Variants in ITGB5 observed in about 807,000 individuals in gnomAD.
ITGB5 encodes the protein integrin subunit beta 5.
In ITGB5, 38 loss-of-function variants were observed where a neutral mutation model predicts 84.8. The observed-to-expected ratio is 0.45, with a 90% CI of 0.35 to 0.59. The LOEUF (loss-of-function observed/expected upper bound fraction) is 0.59. Ranked by LOEUF, ITGB5 falls within the 20% of genes least tolerant of loss-of-function variation. The probability of loss-of-function intolerance (pLI) is 0.01; values close to 1 mark genes in which losing one functional copy is unlikely to be tolerated. For missense variants in ITGB5, 905 were observed against 1,034.5 expected (o/e 0.87, Z 1.72); for synonymous variants, 393 against 414.4 (o/e 0.95, Z 0.63).
intron 5 of ITGB5, among the ~76,000 whole-genome samples, chr3:124,828,561 T>C (rs2064816789): frequency 6.6e-6 from 1 of 152,142 alleles, no homozygotes; most frequent in Non-Finnish European, 1.5e-5. Context: ...AAATACACTT[T>C]TAGGGGTGAA....
chr3:124,861,523 C>CACACACACAT (rs1168237424), intron 2 of ITGB5, among the ~76,000 whole-genome samples: 2 of 146,426 alleles, frequency 1.4e-5, no homozygotes, highest in African/African-American at 5.2e-5. Context: ...CACACACACA[C>CACACACACAT]ACACAGAGAG....
At chr3:124,839,771 T>C (rs1015430786) in intron 5 of ITGB5, among the ~76,000 whole-genome samples, 1 of 152,256 alleles carries the variant, frequency 6.6e-6, no homozygotes, top group Non-Finnish European at 1.5e-5. Flanking sequence ...GGTTCAGGAC[T>C]GAATACATTC....
chr3:124,848,342 G>C lies in ITGB5; in HGVS notation c.578C>G (p.Thr193Arg), dbSNP rs747514529. The stretch of plus-strand genomic sequence containing the variant: ...CGGATTGGTCTGGTACCTCGGTGCC[G>C]TGTAGGAGAAAGGAGAGATGTCCTT... ...VDKDISPFSY[T>R]APRYQTNPCI... is the part of the protein sequence containing the mutation. Residue 193 changes from threonine to arginine, a missense_variant, in exon 4 of 15, where the codon ACG (threonine) becomes AGG (arginine). Thr to Arg is a moderately conservative substitution (Grantham distance 71). Transcript: ENST00000296181. The C allele has an allele frequency of 2.5e-6, 4 of 1,614,024 alleles. No individual in the cohort carries two copies. In the Admixed American group the frequency reaches 6.7e-5, roughly 27 times the overall value.
At chr3:124,895,349 C>T (rs1478116745) in intron 1 of ITGB5, among the ~76,000 whole-genome samples, 1 of 152,226 alleles carries the variant, frequency 6.6e-6, no homozygotes, top group Non-Finnish European at 1.5e-5. Flanking sequence ...GCCTCAGCCT[C>T]TGAAGTAGCT....
chr3:124,800,779 G>C (rs2064303183), intron 9 of ITGB5, among the ~76,000 whole-genome samples: 1 of 152,214 alleles, frequency 6.6e-6, no homozygotes, highest in African/African-American at 2.4e-5. Context: ...ATCCAGAAAG[G>C]CTGGAAGGCA....
intron 1 of ITGB5, among the ~76,000 whole-genome samples, chr3:124,896,829 G>A (rs1935112989): frequency 6.6e-6 from 1 of 151,216 alleles, no homozygotes; most frequent in Non-Finnish European, 1.5e-5. Context: ...GGGAAGCTGA[G>A]GTGAGAGGAT....
rs1044027130 is a variant in ITGB5, at chr3:124,763,382, G to A, written c.*241C>T. On this transcript the variant is annotated 3_prime_UTR_variant, in exon 15 of 15. Coordinates refer to ENST00000296181, the MANE Select transcript of ITGB5 (RefSeq NM_002213.5). ...GGCAGGGAAAGCTGAGAGCGCCAAG[G>A]TCCCCTTGCTTTATCCCAAGCTCGG... 1.4e-5 allele frequency: 5 copies of A among 355,364 alleles called. No homozygotes were observed. Among genetic ancestry groups the A allele is most frequent in the Non-Finnish European group, 2.1e-5 (4 of 193,094 alleles). The allele number at this position is 355,364 out of a possible 1,614,324, so 22.0% of individuals were successfully genotyped here. A position where few individuals can be genotyped will look rare whatever the true frequency, so the allele number is the denominator to read the frequency against.
intron 1 of ITGB5, among the ~76,000 whole-genome samples, chr3:124,897,377 G>C (rs1271773018): frequency 6.6e-6 from 1 of 152,136 alleles, no homozygotes; most frequent in African/African-American, 2.4e-5. Flanking sequence ...CAAAGTACTG[G>C]GATGACAGGT....
chr3:124,792,355 T>C (rs1317881296), intron 10 of ITGB5: 1 of 152,212 alleles, frequency 6.6e-6, no homozygotes, highest in East Asian at 1.9e-4. Context: ...GATGAAATTA[T>C]GGATGATTTT....
chr3:124,812,816 T>G (rs1227648262), intron 8 of ITGB5, among the ~76,000 whole-genome samples: 6 of 152,192 alleles, frequency 3.9e-5, no homozygotes, highest in Non-Finnish European at 8.8e-5. Context: ...CCCTTTCCAT[T>G]TTGCTCCCTC....
chr3:124,805,751 G>A (rs902962897), intron 9 of ITGB5, among the ~76,000 whole-genome samples: 3 of 150,980 alleles, frequency 2.0e-5, no homozygotes, highest in Admixed American at 1.3e-4. Flanking sequence ...TGCGCCTGGC[G>A]GACTTTTTTT....
chr3:124,764,276 T>C, intron 14 of ITGB5, 115 bp downstream of exon 14: 1 of 1,104,646 alleles, frequency 9.1e-7, no homozygotes, highest in African/African-American at 1.6e-5. Flanking sequence ...TGGTGTTGAT[T>C]CTTTTGTTTT....
chr3:124,805,360 C>G (rs2064383912), intron 9 of ITGB5, among the ~76,000 whole-genome samples: 1 of 151,786 alleles, frequency 6.6e-6, no homozygotes, highest in Admixed American at 6.6e-5. Flanking sequence ...CCAGGCTGGT[C>G]TCGAACTCCT....
chr3:124,852,116 A>T (rs960922683), intron 3 of ITGB5, among the ~76,000 whole-genome samples: 3 of 152,062 alleles, frequency 2.0e-5, no homozygotes, highest in Non-Finnish European at 4.4e-5. Flanking sequence ...CCGAGACTTT[A>T]AGCCAATCGC....
At chr3:124,884,561 G>A (rs1934719755) in intron 1 of ITGB5, among the ~76,000 whole-genome samples, 2 of 152,112 alleles carry the variant, frequency 1.3e-5, no homozygotes, top group Non-Finnish European at 2.9e-5. Context: ...TTAGCCAGGC[G>A]TGGTGGTACA....
chr3:124,885,257 T>A (rs1934752903), intron 1 of ITGB5, among the ~76,000 whole-genome samples: 1 of 152,006 alleles, frequency 6.6e-6, no homozygotes, highest in Non-Finnish European at 1.5e-5. Flanking sequence ...GCTACAAGAC[T>A]GAAACTCTGA....
At chr3:124,794,810 G>A (rs79853248) in intron 10 of ITGB5, among the ~76,000 whole-genome samples, 1 of 130,634 alleles carries the variant, frequency 7.7e-6, no homozygotes, top group African/African-American at 2.9e-5. Context: ...GAAAGAAAGA[G>A]AGAGAGAGAG....
At chr3:124,841,658 C>G in intron 4 of ITGB5, 107 bp from the exon 5 acceptor site, 1 of 1,031,512 alleles carries the variant, frequency 9.7e-7, no homozygotes, top group African/African-American at 1.6e-5. Context: ...TAACTATTTA[C>G]CCAGCACCTA....
intron 1 of ITGB5, among the ~76,000 whole-genome samples, chr3:124,899,853 CAAAAAAAA>C (rs60859904): frequency 6.0e-4 from 21 of 35,010 alleles, no homozygotes; most frequent in East Asian, 1.9e-3. Context: ...GACCCTGTCT[CAAAAAAAA>C]AAAAAAAAAA....
Sources: allele counts gnomAD v4.1 joint callset (sites outside exome capture counted in the v4.1 genomes callset), GRCh38; gene constraint gnomAD v4.1.1; transcripts MANE v1.5; gene names NCBI Gene and HGNC (gene_info 2026-07-23, HGNC 2026-07-21).